The following BCAS3 variants were observed in gnomAD, a reference collection of about 807,000 sequenced individuals.
The protein encoded by BCAS3 is BCAS3 microtubule associated cell migration factor, also known as BCAS4/BCAS3 fusion.
In BCAS3, 53 loss-of-function variants were observed where a neutral mutation model predicts 116.1. The ratio of observed to expected loss-of-function variants is 0.46; its 90% CI spans 0.37 to 0.57. The LOEUF (loss-of-function observed/expected upper bound fraction) is 0.57. Ranked by LOEUF, BCAS3 falls within the 20% of genes least tolerant of loss-of-function variation. BCAS3 has a pLI of 0.00. For synonymous variants in BCAS3, 391 were observed against 408.2 expected (o/e 0.96, Z 0.51); for missense variants, 917 against 1,165.4 (o/e 0.79, Z 3.10).
Position 60,745,739 on chromosome 17 carries a change from A to G in BCAS3, c.322-1459A>G, listed in dbSNP as rs2144253102. Among the ~76,000 whole-genome samples, 2 of 152,228 alleles carry G rather than the reference A, an allele frequency of 1.3e-5. 1 individual carries two copies. Among genetic ancestry groups the G allele is most frequent in the South Asian group, 4.1e-4 (2 of 4,832 alleles). ...TGGTGATAGGTGGTGCTATTGTTGC[A>G]CAGTTAGTCCTAGCATTCTTCACAT... On this transcript the variant is annotated intron_variant, in intron 5 of 23. Coordinates refer to ENST00000407086, the MANE Select transcript of BCAS3 (RefSeq NM_017679.5).
rs985553215 is a variant in BCAS3 at position 61,349,575 on chromosome 17, A to G, written c.2426-18752A>G. On this transcript the variant is annotated intron_variant, in intron 22 of 23. Transcript: ENST00000407086. This position sits in a 1 kb window ranked among gnomAD's most constrained non-coding sequence, Gnocchi z 4.7. ...CCTGGTGTAGACAGTCTGATTGCCT[A>G]CTCCATTTTGTGGAATAATGGACCT... Among the ~76,000 whole-genome samples the G allele has an allele frequency of 2.0e-5, 3 of 151,956 alleles. No individual in the cohort carries two copies. The highest frequency in any genetic ancestry group is 7.3e-5 in the African/African-American group (3 of 41,344).
intron 14 of BCAS3, among the ~76,000 whole-genome samples, chr17:60,976,290 C>T (rs1019385867): frequency 3.5e-4 from 53 of 151,780 alleles, no homozygotes; most frequent in Admixed American, 6.6e-4. Context: ...TGCCAAAGTG[C>T]TGGGATTACA....
At chr17:61,003,407 T>TC (rs2064413338) in intron 15 of BCAS3, among the ~76,000 whole-genome samples, 1 of 102,100 alleles carries the variant, frequency 9.8e-6, no homozygotes, top group African/African-American at 3.7e-5. Context: ...CCCCTCCCCT[T>TC]CCCTTCCCTT....
chr17:61,109,768 C>T (rs1336268382), intron 22 of BCAS3, among the ~76,000 whole-genome samples: 1 of 152,176 alleles, frequency 6.6e-6, no homozygotes, highest in Non-Finnish European at 1.5e-5. Flanking sequence ...ACATCCTTAA[C>T]CCACTTTTTG....
chr17:61,069,834 T>TA (rs746344496), intron 19 of BCAS3: 77,320 of 595,934 alleles, frequency 0.13, 7,910 homozygotes, highest in African/African-American at 0.58. Context: ...AGACCCTGTG[T>TA]AAAAAAAAAA....
In BCAS3 at chr17:61,337,201, G is replaced by C. The variant is rs183906753; in HGVS notation, c.2426-31126G>C. Among the ~76,000 whole-genome samples, 8 of 152,010 alleles carry C rather than the reference G, an allele frequency of 5.3e-5. No individual in the cohort carries two copies. The highest frequency in any genetic ancestry group is 1.9e-4 in the African/African-American group (8 of 41,386). On this transcript the variant is annotated intron_variant, in intron 22 of 23. Transcript: ENST00000407086. This position sits in a 1 kb window ranked among gnomAD's most constrained non-coding sequence, Gnocchi z 4.8. ...CCCTTTTTTATACTTTATTTAAATC[G>C]CCTCACCCGAGTGGAACAGGGACGT... is the stretch of plus-strand genomic sequence containing the variant.
chr17:60,966,207 T>C (rs2061652153), intron 14 of BCAS3, among the ~76,000 whole-genome samples: 1 of 152,226 alleles, frequency 6.6e-6, no homozygotes, highest in African/African-American at 2.4e-5. Context: ...ACTTTCAGTC[T>C]ATGTGTGTCT....
At chr17:61,103,793 G>T (rs1014776877) in intron 22 of BCAS3, among the ~76,000 whole-genome samples, 1 of 152,146 alleles carries the variant, frequency 6.6e-6, no homozygotes, top group East Asian at 1.9e-4. Flanking sequence ...ATAAGGAAAA[G>T]GCTCTCTCAA....
chr17:61,040,977 C>T (rs2067459624), intron 19 of BCAS3, 85 bp downstream of exon 19: 2 of 1,161,088 alleles, frequency 1.7e-6, no homozygotes, highest in South Asian at 1.3e-5. Context: ...CAAACATTAC[C>T]ACTGGTCCAT....
In BCAS3 at chr17:61,282,293, G is replaced by A. The variant is rs955182782; in HGVS notation, c.2426-86034G>A. Among the ~76,000 whole-genome samples the A allele has an allele frequency of 1.3e-5, 2 of 152,106 alleles. No homozygotes were observed. Among genetic ancestry groups the A allele is most frequent in the African/African-American group, 4.8e-5 (2 of 41,408 alleles). ...TGGGGTTTTCTTTATTGCTTCTTTG[G>A]GAATACCTTACCGATGAGAAGGCTT... On this transcript the variant is annotated intron_variant, in intron 22 of 23. Coordinates refer to ENST00000407086, the MANE Select transcript of BCAS3 (RefSeq NM_017679.5). The surrounding 1 kb of genome is among the most constrained non-coding windows in gnomAD (Gnocchi z 5.9).
In BCAS3 at chr17:61,078,469, G is replaced by A. The variant is rs2143488425; in HGVS notation, c.2267G>A (p.Ser756Asn). Residue 756 changes from serine (S) to asparagine (N), a missense_variant, in exon 21 of 24, where the codon AGT becomes AAT. Transcript: ENST00000407086. ...SSSVLQSHGP[S>N]DTPQPLLDFD... ...TCTGTGTTGCAGTCTCATGGTCCGA[G>A]TGACACGCCACAGCCTCTTTTGGAT... 1 of 1,614,182 alleles carries A rather than the reference G, an allele frequency of 6.2e-7. No individual in the cohort carries two copies. The highest frequency in any genetic ancestry group is 1.7e-5 in the Admixed American group (1 of 60,026).
chr17:61,151,867 A>G lies in BCAS3; in HGVS notation c.2425+67303A>G, dbSNP rs1350684201. On this transcript the variant is annotated intron_variant, in intron 22 of 23. Coordinates refer to ENST00000407086, the MANE Select transcript of BCAS3 (RefSeq NM_017679.5). The surrounding 1 kb of genome is among the most constrained non-coding windows in gnomAD (Gnocchi z 4.8). ...CTTTTCATGCCAATACTCCTCCTGC[A>G]AACGTGAATGTTCCTAAAATGCACC... Among the ~76,000 whole-genome samples the G allele has an allele frequency of 6.6e-6, 1 of 152,202 alleles. No individual in the cohort carries two copies. Among genetic ancestry groups the G allele is most frequent in the Non-Finnish European group, 1.5e-5 (1 of 68,028 alleles).
intron 6 of BCAS3, among the ~76,000 whole-genome samples, chr17:60,791,425 G>A (rs1202919142): frequency 6.6e-6 from 1 of 152,150 alleles, no homozygotes; most frequent in Non-Finnish European, 1.5e-5. Context: ...AGGCTGAAAT[G>A]GGATAATCAC....
chr17:60,734,190 A>G (rs544222509), intron 5 of BCAS3, among the ~76,000 whole-genome samples: 1 of 152,306 alleles, frequency 6.6e-6, no homozygotes, highest in East Asian at 1.9e-4. Flanking sequence ...TTACCCAGTA[A>G]TGCGATCCTA....
At chr17:61,120,001 A>T (rs1169435433) in intron 22 of BCAS3, among the ~76,000 whole-genome samples, 2 of 152,102 alleles carry the variant, frequency 1.3e-5, no homozygotes. Flanking sequence ...TATTTACATG[A>T]ATTAACAATA....
chr17:61,216,831 C>T (rs904252873), intron 22 of BCAS3, among the ~76,000 whole-genome samples: 4 of 151,848 alleles, frequency 2.6e-5, no homozygotes, highest in Admixed American at 6.6e-5. Context: ...CATGAGCCAC[C>T]GTGCCCAGCC....
At chr17:61,094,583 C>A (rs1444271988) in intron 22 of BCAS3, among the ~76,000 whole-genome samples, 1 of 152,186 alleles carries the variant, frequency 6.6e-6, no homozygotes, top group Non-Finnish European at 1.5e-5. Flanking sequence ...CACGATGGCA[C>A]ACGCGTATAA....
chr17:60,959,207 T>C (rs955966799), intron 14 of BCAS3, among the ~76,000 whole-genome samples: 2 of 151,948 alleles, frequency 1.3e-5, no homozygotes, highest in Admixed American at 6.6e-5. Flanking sequence ...CTTGGGAAGC[T>C]GAGGTGGAAG....
chr17:61,036,733 C>CTAGTGGG (rs1327479156), intron 17 of BCAS3, among the ~76,000 whole-genome samples: 1 of 152,096 alleles, frequency 6.6e-6, no homozygotes, highest in African/African-American at 2.4e-5. Context: ...ACCTGTTTTG[C>CTAGTGGG]TAGTGGGTAC....
Sources: allele counts gnomAD v4.1 joint callset (sites outside exome capture counted in the v4.1 genomes callset), GRCh38; gene constraint gnomAD v4.1.1; non-coding constraint Gnocchi (gnomAD v3.1); transcripts MANE v1.5; gene names NCBI Gene and HGNC (gene_info 2026-07-23, HGNC 2026-07-21).